The following GLRA1 variants were observed in gnomAD, a reference collection of about 807,000 sequenced individuals.
GLRA1 encodes the protein glycine receptor subunit alpha-1.
A neutral mutation model predicts 48.3 loss-of-function variants in GLRA1; 37 were observed. The observed-to-expected ratio is 0.77, with a 90% confidence interval of 0.59 to 1.01. The LOEUF is 1.01. Among genes scored for constraint, GLRA1 ranks in the 50% least tolerant of loss-of-function variants. The pLI is 0.00. For missense variants in GLRA1, 427 were observed against 571.0 expected (o/e 0.75, Z 2.57); for synonymous variants, 196 against 210.7 (o/e 0.93, Z 0.60).
intron 7 of GLRA1, among the ~76,000 whole-genome samples, chr5:151,846,186 T>A (rs886183763): frequency 6.6e-6 from 1 of 152,170 alleles, no homozygotes; most frequent in African/African-American, 2.4e-5. Flanking sequence ...GTGAATATAC[T>A]AAAAGGAACT....
intron 3 of GLRA1, among the ~76,000 whole-genome samples, chr5:151,864,108 C>T (rs1272902385): frequency 6.6e-6 from 1 of 151,110 alleles, no homozygotes; most frequent in Non-Finnish European, 1.5e-5. Flanking sequence ...CTCTCCTTCT[C>T]CTTCTCCCTT....
At chr5:151,854,954 T>C (rs1439478809) in intron 6 of GLRA1, 86 bp downstream of exon 6, 15 of 1,383,864 alleles carry the variant, frequency 1.1e-5, no homozygotes, top group Admixed American at 3.3e-5. Context: ...TCATAAGATC[T>C]GTTGGATCAA....
rs10079059 is a variant in GLRA1 at position 151,851,127 on chromosome 5, G to A, written c.912+263C>T. Among the ~76,000 whole-genome samples, 3,071 of 152,254 alleles carry A rather than the reference G, an allele frequency of 0.02. 98 individuals are homozygous for A. Among genetic ancestry groups the A allele is most frequent in the African/African-American group, 0.071 (2,944 of 41,518 alleles). On this transcript the variant is annotated intron_variant, in intron 7 of 8. Transcript: ENST00000274576. ...AAGTTGAGTGTTAATAGTAAATGAA[G>A]CAGAATGTGTGTCTGGTGTTGGTAG...
intron 1 of GLRA1, among the ~76,000 whole-genome samples, chr5:151,905,973 C>T (rs1415052043): frequency 6.6e-6 from 1 of 151,830 alleles, no homozygotes; most frequent in Admixed American, 6.6e-5. Context: ...TTTTTAAATC[C>T]CTGAAAGTAC....
intron 2 of GLRA1, among the ~76,000 whole-genome samples, chr5:151,891,729 G>C (rs1025466445): frequency 5.3e-5 from 8 of 152,150 alleles, no homozygotes; most frequent in African/African-American, 1.9e-4. Flanking sequence ...TTATTTGTTA[G>C]CCCGTGGGAA....
chr5:151,913,887 G>A (rs938221613), intron 1 of GLRA1, among the ~76,000 whole-genome samples: 3 of 152,214 alleles, frequency 2.0e-5, no homozygotes, highest in African/African-American at 7.2e-5. Flanking sequence ...TTAGAAAGGT[G>A]TCAGGCACGA....
At chr5:151,906,233 A>C (rs953646067) in intron 1 of GLRA1, among the ~76,000 whole-genome samples, 2 of 152,216 alleles carry the variant, frequency 1.3e-5, no homozygotes, top group Non-Finnish European at 2.9e-5. Flanking sequence ...GGCACAGAGA[A>C]ACTACTGAGT....
intron 1 of GLRA1, among the ~76,000 whole-genome samples, chr5:151,902,837 T>C (rs934196619): frequency 2.6e-5 from 4 of 152,198 alleles, no homozygotes; most frequent in African/African-American, 9.7e-5. Flanking sequence ...TCTGTTTTTC[T>C]GATGAGAAAA....
chr5:151,834,055 ATAT>A (rs1388814491), intron 7 of GLRA1, among the ~76,000 whole-genome samples: 16 of 152,110 alleles, frequency 1.1e-4, no homozygotes, highest in Non-Finnish European at 1.2e-4. Flanking sequence ...ACTGAAAATA[ATAT>A]TAGATCAACG....
chr5:151,873,128 A>G (rs1753528972), intron 3 of GLRA1, among the ~76,000 whole-genome samples: 1 of 149,678 alleles, frequency 6.7e-6, no homozygotes, highest in African/African-American at 2.6e-5. Flanking sequence ...AAAATGTTCC[A>G]GGGTGCTGCT....
intron 1 of GLRA1, among the ~76,000 whole-genome samples, chr5:151,917,838 C>T (rs779671976): frequency 2.6e-5 from 4 of 152,160 alleles, no homozygotes; most frequent in Admixed American, 6.5e-5. Flanking sequence ...TGGGAATGTA[C>T]TTGTGAGAAA....
Position 151,822,891 on chromosome 5 carries a change from C to A in GLRA1, c.1132G>T (p.Asp378Tyr), listed in dbSNP as rs753363839. ...GMGPACLQAK[D>Y]GISVKGANNS... ...TTGGCGCCCTTGACTGAGATGCCAT[C>A]CTTGGCCTGTAGACAGGCTGGGCCC... The change falls in exon 9 of 9, where the codon GAT becomes TAT. Residue 378 changes from aspartate (D) to tyrosine (Y), a missense_variant. Asp to Tyr is a radical substitution (Grantham distance 160). This residue lies in a region of GLRA1 where 121 missense variants were observed against 96.5 expected (regional missense o/e 1.25). Transcript: ENST00000274576. 2 of 1,614,046 alleles carry A rather than the reference C, an allele frequency of 1.2e-6. No individual in the cohort carries two copies. Among genetic ancestry groups the A allele is most frequent in the African/African-American group, 2.7e-5 (2 of 75,036 alleles).
chr5:151,871,081 C>T (rs1753471075), intron 3 of GLRA1, among the ~76,000 whole-genome samples: 1 of 149,442 alleles, frequency 6.7e-6, no homozygotes, highest in Non-Finnish European at 1.5e-5. Context: ...AATCATCCAG[C>T]AGATGGTACC....
At chr5:151,877,427 C>A (rs1179957362) in intron 3 of GLRA1, among the ~76,000 whole-genome samples, 1 of 152,028 alleles carries the variant, frequency 6.6e-6, no homozygotes, top group African/African-American at 2.4e-5. Context: ...ACATGTAAGA[C>A]ATTAATTAAT....
chr5:151,871,780 G>A (rs772202011), intron 3 of GLRA1, among the ~76,000 whole-genome samples: 1 of 149,504 alleles, frequency 6.7e-6, no homozygotes, highest in East Asian at 1.9e-4. Flanking sequence ...TAACCAGGAT[G>A]GTCTCAACCT....
intron 1 of GLRA1, among the ~76,000 whole-genome samples, chr5:151,909,979 T>C (rs1397106888): frequency 2.6e-5 from 4 of 152,194 alleles, no homozygotes; most frequent in Non-Finnish European, 5.9e-5. Context: ...GATGAGAGTA[T>C]GTACCATCCA....
chr5:151,913,423 C>T (rs1196966144), intron 1 of GLRA1, among the ~76,000 whole-genome samples: 1 of 152,106 alleles, frequency 6.6e-6, no homozygotes, highest in African/African-American at 2.4e-5. Flanking sequence ...GGATGTACTG[C>T]TTATGGACAA....
chr5:151,923,827 G>A (rs1754937834), intron 1 of GLRA1, among the ~76,000 whole-genome samples: 3 of 152,116 alleles, frequency 2.0e-5, no homozygotes, highest in Non-Finnish European at 1.5e-5. Context: ...GGCAGTCAAA[G>A]TTTCAAAAGG....
chr5:151,915,868 G>A (rs773206039), intron 1 of GLRA1, among the ~76,000 whole-genome samples: 3 of 152,088 alleles, frequency 2.0e-5, no homozygotes, highest in South Asian at 2.1e-4. Context: ...GCAGTTAAAC[G>A]TGATCAAGGA....
Sources: gnomAD v4.1 joint callset for allele counts (sites outside exome capture counted in the v4.1 genomes callset) on GRCh38, gnomAD v4.1.1 for gene constraint, gnomAD v4.1.1 regional missense constraint, MANE v1.5 for transcripts, NCBI Gene and HGNC (gene_info 2026-07-23, HGNC 2026-07-21) for gene names.